The following ABLIM1 variants were observed in gnomAD, a reference collection of about 807,000 sequenced individuals.
ABLIM1 encodes the protein actin binding LIM protein 1, also known as actin-binding LIM protein 1.
In ABLIM1, 40 loss-of-function variants were observed where a neutral mutation model predicts 107.0. The observed-to-expected ratio is 0.37, with a 90% CI of 0.29 to 0.49. The LOEUF (loss-of-function observed/expected upper bound fraction) is 0.49. ABLIM1 is among the 20% of genes least tolerant of loss of function. The probability of loss-of-function intolerance (pLI) is 0.97; values close to 1 mark genes in which losing one functional copy is unlikely to be tolerated. For synonymous variants in ABLIM1, 357 were observed against 357.3 expected (o/e 1.00, Z 0.01); for missense variants, 857 against 1,008.5 (o/e 0.85, Z 2.04).
intron 1 of ABLIM1, among the ~76,000 whole-genome samples, chr10:114,641,666 A>C (rs555065205): frequency 9.9e-5 from 15 of 152,250 alleles, no homozygotes; most frequent in African/African-American, 3.6e-4. Context: ...TGAAGAAGGG[A>C]AGAGAATAAG....
At chr10:114,704,284 CTCTCTCTCTCTCTCTCTCTATA>C (rs2081365017) in intron 1 of ABLIM1, among the ~76,000 whole-genome samples, 1 of 24,780 alleles carries the variant, frequency 4.0e-5, no homozygotes, top group African/African-American at 1.6e-4. Context: ...CTCTCTCTCT[CTCTCTCTCTCTCTCTCTCTATA>C]TATATATATA....
chr10:114,547,894 A>C, intron 4 of ABLIM1, 118 bp from the exon 5 acceptor site: 1 of 1,340,078 alleles, frequency 7.5e-7, no homozygotes, highest in Admixed American at 2.5e-5. Context: ...TTACTCAAGC[A>C]CCATCTCGGG....
chr10:114,493,723 C>T (rs2059312945), intron 6 of ABLIM1, among the ~76,000 whole-genome samples: 1 of 152,184 alleles, frequency 6.6e-6, no homozygotes, highest in Non-Finnish European at 1.5e-5. Flanking sequence ...GCAAGATCTA[C>T]ACAAAGCAAA....
At chr10:114,683,106 T>C (rs1566233111) in intron 1 of ABLIM1, among the ~76,000 whole-genome samples, 1 of 152,352 alleles carries the variant, frequency 6.6e-6, no homozygotes, top group East Asian at 1.9e-4. Flanking sequence ...AGTGTCCTTA[T>C]TAAAATTCAA....
chr10:114,527,577 T>C (rs2064960125), intron 6 of ABLIM1, among the ~76,000 whole-genome samples: 1 of 151,996 alleles, frequency 6.6e-6, no homozygotes, highest in South Asian at 2.1e-4. Context: ...GAGGAGGAAC[T>C]GGAAGTTTCT....
intron 20 of ABLIM1, chr10:114,439,583 AT>A: frequency 2.5e-6 from 1 of 404,938 alleles, no homozygotes; most frequent in East Asian, 5.1e-5. Context: ...TTTTCTATGC[AT>A]TTTTCTTCTT....
intron 1 of ABLIM1, among the ~76,000 whole-genome samples, chr10:114,611,470 G>GAAA (rs35745645): frequency 1.4e-5 from 2 of 143,944 alleles, no homozygotes; most frequent in Non-Finnish European, 1.5e-5. Flanking sequence ...ACTCTGCCTA[G>GAAA]AAAAAAAAAA....
At chr10:114,549,838 A>G (rs1164885409) in intron 4 of ABLIM1, among the ~76,000 whole-genome samples, 3 of 152,194 alleles carry the variant, frequency 2.0e-5, no homozygotes, top group African/African-American at 7.2e-5. Flanking sequence ...TAGATCAAGT[A>G]AAAAAAGCAG....
chr10:114,615,058 A>AG (rs1315686788), intron 1 of ABLIM1, among the ~76,000 whole-genome samples: 1 of 151,640 alleles, frequency 6.6e-6, no homozygotes, highest in African/African-American at 2.4e-5. Context: ...CTCAAAAAAA[A>AG]AAAAAGAAAG....
chr10:114,449,863 C>T (rs1352226769), intron 14 of ABLIM1, among the ~76,000 whole-genome samples: 1 of 152,154 alleles, frequency 6.6e-6, no homozygotes, highest in African/African-American at 2.4e-5. Context: ...CAAAAACATC[C>T]TTTGGAAAGC....
At chr10:114,771,109 G>T (rs1177030623), upstream of ABLIM1, among the ~76,000 whole-genome samples, 8 of 144,828 alleles carry the variant, frequency 5.5e-5, no homozygotes, top group Admixed American at 3.5e-4. Context: ...GGGATTACAG[G>T]CATGAGCCAC....
intron 1 of ABLIM1, among the ~76,000 whole-genome samples, chr10:114,761,379 G>A (rs1359527774): frequency 1.3e-5 from 2 of 152,070 alleles, no homozygotes; most frequent in East Asian, 3.9e-4. Context: ...TGCTACTCGA[G>A]GAAGCAGATG....
rs1005888821 is a variant in ABLIM1, at chr10:114,433,201, A to G, written c.*3059T>C. 2.6e-5 allele frequency: 4 copies of G among 152,206 alleles called. No homozygotes were observed. The highest frequency in any genetic ancestry group is 5.9e-5 in the Non-Finnish European group (4 of 68,036). 9.4% of individuals were successfully genotyped at this position (152,206 alleles called of 1,614,324 possible). ...CAAGCTCCACCAGTTTGAGTGTGTT[A>G]ATAACTGGAATTTTCATGTATAGTA... On this transcript the variant is annotated 3_prime_UTR_variant, in exon 23 of 23. Transcript: ENST00000533213.
At chr10:114,581,557 T>G (rs1004725327) in intron 2 of ABLIM1, among the ~76,000 whole-genome samples, 9 of 152,294 alleles carry the variant, frequency 5.9e-5, no homozygotes, top group African/African-American at 1.9e-4. Flanking sequence ...CATACAGGTT[T>G]TAATCAATTT....
At position 114,468,178 on chromosome 10, in the gene ABLIM1, T is replaced by C. The variant is rs368112204; in HGVS notation, c.1311+3A>G. ...TAAAATGATAAAAAGAAATGGTACT[T>C]ACTTCTGCTGATGGAGTAGGAGACA... On this transcript the variant is annotated splice_donor_region_variant and intron_variant, in intron 11 of 22. Transcript: ENST00000533213. 1.4e-4 allele frequency: 230 copies of C among 1,612,268 alleles called. No homozygotes were observed. The highest frequency in any genetic ancestry group is 1.8e-4 in the Non-Finnish European group (213 of 1,178,392).
At chr10:114,542,330 A>G (rs2066768308) in intron 6 of ABLIM1, among the ~76,000 whole-genome samples, 1 of 151,324 alleles carries the variant, frequency 6.6e-6, no homozygotes, top group Admixed American at 6.6e-5. Context: ...AGATAGCTTG[A>G]GCCCAGGAGT....
intron 1 of ABLIM1, among the ~76,000 whole-genome samples, chr10:114,645,156 C>T (rs1317544034): frequency 2.6e-5 from 4 of 152,158 alleles, no homozygotes; most frequent in Admixed American, 6.5e-5. Flanking sequence ...CCGTGGCACT[C>T]GCCTCTACAA....
chr10:114,553,388 G>A (rs999827832), intron 4 of ABLIM1, among the ~76,000 whole-genome samples: 1 of 152,194 alleles, frequency 6.6e-6, no homozygotes, highest in Non-Finnish European at 1.5e-5. Context: ...AACCTCCGAG[G>A]TGAGAACGAT....
At chr10:114,552,095 C>A (rs903855387) in intron 4 of ABLIM1, among the ~76,000 whole-genome samples, 1 of 152,208 alleles carries the variant, frequency 6.6e-6, no homozygotes, top group Non-Finnish European at 1.5e-5. Flanking sequence ...ACGTGAGAAT[C>A]CTGACCCGAA....
Sources: gnomAD v4.1 joint callset for allele counts (sites outside exome capture counted in the v4.1 genomes callset) on GRCh38, gnomAD v4.1.1 for gene constraint, MANE v1.5 for transcripts, NCBI Gene and HGNC (gene_info 2026-07-23, HGNC 2026-07-21) for gene names.